The following CATSPERB variants were observed in gnomAD, a reference collection of about 807,000 sequenced individuals.
CATSPERB encodes the protein cation channel sperm-associated auxiliary subunit beta.
CATSPERB carries 93 observed loss-of-function variants against 128.3 expected under a neutral mutation model. The ratio of observed to expected loss-of-function variants is 0.72; its 90% CI spans 0.61 to 0.86. The LOEUF (loss-of-function observed/expected upper bound fraction) is 0.86, where lower values mean the gene tolerates loss of function less well. Ranked by LOEUF, CATSPERB falls within the 40% of genes least tolerant of loss-of-function variation. CATSPERB has a pLI of 0.00. For synonymous variants in CATSPERB, 381 were observed against 448.8 expected (o/e 0.85, Z 1.91); for missense variants, 1,153 against 1,329.5 (o/e 0.87, Z 2.06).
rs151158361 is a variant in CATSPERB at position 91,593,553 on chromosome 14, G to T, written c.2710-1551C>A. On this transcript the variant is annotated intron_variant, in intron 22 of 26. Coordinates refer to ENST00000256343, the MANE Select transcript of CATSPERB (RefSeq NM_024764.4). ...TGGATCCTATAACCCCTTGGTTTTG[G>T]CAAATTTCTCCCATTTGGAATGGCT... 3.3e-5 allele frequency among the ~76,000 whole-genome samples: 5 copies of T among 152,252 alleles called. No individual in the cohort carries two copies. The East Asian group carries it at 9.6e-4, about 29-fold the overall frequency.
intron 13 of CATSPERB, 94 bp from the exon 14 acceptor site, chr14:91,670,066 C>T (rs1314967860): frequency 2.9e-6 from 3 of 1,042,922 alleles, no homozygotes; most frequent in African/African-American, 1.6e-5. Context: ...GAGAGAGATA[C>T]AATCACTAAC....
intron 5 of CATSPERB, among the ~76,000 whole-genome samples, chr14:91,713,647 C>T (rs757659006): frequency 6.6e-6 from 1 of 152,084 alleles, no homozygotes; most frequent in Non-Finnish European, 1.5e-5. Context: ...TTGAATATTC[C>T]TAAATCTATT....
intron 17 of CATSPERB, among the ~76,000 whole-genome samples, chr14:91,631,682 T>A (rs1053875363): frequency 1.3e-5 from 2 of 151,418 alleles, no homozygotes; most frequent in East Asian, 1.9e-4. Context: ...CAAACAAAAA[T>A]AATAATAATA....
intron 15 of CATSPERB, 27 bp from the exon 16 acceptor site, chr14:91,639,277 T>C (rs766172225): frequency 1.3e-6 from 2 of 1,596,598 alleles, no homozygotes; most frequent in African/African-American, 1.3e-5. Flanking sequence ...AGAAGTGTCT[T>C]GATACTGATG....
intron 13 of CATSPERB, 64 bp from the exon 14 acceptor site, chr14:91,670,036 G>C: frequency 2.9e-6 from 4 of 1,395,594 alleles, no homozygotes; most frequent in Non-Finnish European, 4.0e-6. Context: ...AGAATTTCCT[G>C]TTACTTGCAT....
intron 7 of CATSPERB, among the ~76,000 whole-genome samples, chr14:91,694,551 C>T (rs1003788717): frequency 6.6e-6 from 1 of 151,356 alleles, no homozygotes; most frequent in Admixed American, 6.6e-5. Context: ...CCTAACAGTA[C>T]CCTTCTAAGC....
In CATSPERB at chr14:91,599,386, C is replaced by T. The variant is rs1432629329; in HGVS notation, c.2710-7384G>A. Among the ~76,000 whole-genome samples, 5 of 151,934 alleles carry T rather than the reference C, an allele frequency of 3.3e-5. No individual in the cohort carries two copies. The South Asian group carries it at 6.2e-4, about 19-fold the overall frequency. On this transcript the variant is annotated intron_variant, in intron 22 of 26. Transcript: ENST00000256343. Reference sequence around the variant, plus strand: ...CATCCTGGCTAACGCGGTGAAACCCCGTCTCTACTAAAAATACAAAAAATT... The same window carrying T: ...CATCCTGGCTAACGCGGTGAAACCCTGTCTCTACTAAAAATACAAAAAATT...
intron 7 of CATSPERB, among the ~76,000 whole-genome samples, chr14:91,694,153 C>G (rs1256001189): frequency 6.6e-6 from 1 of 152,068 alleles, no homozygotes; most frequent in South Asian, 2.1e-4. Context: ...TCCTGTTACT[C>G]TGTTATTTGG....
rs544671041 is a variant in CATSPERB at position 91,649,202 on chromosome 14, C to T, written c.1433-9952G>A. 2.0e-5 allele frequency among the ~76,000 whole-genome samples: 3 copies of T among 152,266 alleles called. No individual in the cohort carries two copies. The East Asian group carries it at 5.8e-4, about 29-fold the overall frequency. On this transcript the variant is annotated intron_variant, in intron 15 of 26. Coordinates refer to ENST00000256343, the MANE Select transcript of CATSPERB (RefSeq NM_024764.4). ...TGGTGATAACTGTAGACCAGCTCTACTTTTGGTTATTCTATTTTATGCTTT... is the reference window on the plus strand; with the variant it reads ...TGGTGATAACTGTAGACCAGCTCTATTTTTGGTTATTCTATTTTATGCTTT...
chr14:91,616,026 C>T (rs1274508687), intron 20 of CATSPERB, among the ~76,000 whole-genome samples: 1 of 151,846 alleles, frequency 6.6e-6, no homozygotes, highest in African/African-American at 2.4e-5. Context: ...ATTACAGGCG[C>T]ATGCCACCAT....
rs778139722 is a variant in CATSPERB, at chr14:91,617,750, G to C, written c.2261-14C>G. 6.4e-7 allele frequency: 1 copy of C among 1,562,042 alleles called. No individual in the cohort carries two copies. The highest frequency in any genetic ancestry group is 1.9e-5 in the Admixed American group (1 of 52,264). On this transcript the variant is annotated splice_polypyrimidine_tract_variant and intron_variant, in intron 19 of 26. Coordinates refer to ENST00000256343, the MANE Select transcript of CATSPERB (RefSeq NM_024764.4). ...GCATTCGAAAACCTATGGAAACAAG[G>C]TTAACAGTTAATATTAGATAATGAA...
intron 11 of CATSPERB, among the ~76,000 whole-genome samples, chr14:91,681,210 T>C (rs1044302296): frequency 6.6e-6 from 1 of 152,180 alleles, no homozygotes; most frequent in Admixed American, 6.5e-5. Flanking sequence ...TAATGGACAA[T>C]GGAGAACAAA....
At chr14:91,595,302 AT>A (rs1893484660) in intron 22 of CATSPERB, among the ~76,000 whole-genome samples, 1 of 150,668 alleles carries the variant, frequency 6.6e-6, no homozygotes, top group South Asian at 2.1e-4. Flanking sequence ...TTATTTATTT[AT>A]TTATTTATTT....
rs191739649 is a variant in CATSPERB at position 91,693,250 on chromosome 14, C to T, written c.713-6G>A. On this transcript the variant is annotated splice_polypyrimidine_tract_variant and splice_region_variant and intron_variant, in intron 8 of 26. Coordinates refer to ENST00000256343, the MANE Select transcript of CATSPERB (RefSeq NM_024764.4). ...CAATGAAAGGTCTTCATATTCTAAACGAAGAAATCATACCATGGATTAAAA... is the reference window on the plus strand; with the variant it reads ...CAATGAAAGGTCTTCATATTCTAAATGAAGAAATCATACCATGGATTAAAA... 2,071 of 1,598,246 alleles carry T rather than the reference C, an allele frequency of 1.3e-3. 3 individuals carry two copies. The highest frequency in any genetic ancestry group is 1.6e-3 in the Non-Finnish European group (1,895 of 1,167,264).
intron 20 of CATSPERB, among the ~76,000 whole-genome samples, chr14:91,616,048 CT>C: frequency 6.6e-6 from 1 of 151,684 alleles, no homozygotes; most frequent in South Asian, 2.1e-4. Flanking sequence ...CCTGGCTAAT[CT>C]TTTGTATTTT....
chr14:91,637,994 T>C (rs1421380709), intron 16 of CATSPERB, among the ~76,000 whole-genome samples: 1 of 152,162 alleles, frequency 6.6e-6, no homozygotes, highest in Admixed American at 6.5e-5. Context: ...TGTGGCATCT[T>C]AACTCTCCCA....
intron 14 of CATSPERB, 58 bp downstream of exon 14, chr14:91,669,756 G>A: frequency 6.7e-7 from 1 of 1,502,388 alleles, no homozygotes; most frequent in South Asian, 1.3e-5. Context: ...CAGCCATGCA[G>A]CATACAGTAG....
At chr14:91,592,926 C>A (rs1194969855) in intron 22 of CATSPERB, among the ~76,000 whole-genome samples, 1 of 152,180 alleles carries the variant, frequency 6.6e-6, no homozygotes, top group East Asian at 1.9e-4. Flanking sequence ...ACAGGGTCCC[C>A]ATGCTGTGTG....
intron 14 of CATSPERB, among the ~76,000 whole-genome samples, chr14:91,668,704 A>C (rs1895032353): frequency 6.6e-6 from 1 of 152,224 alleles, no homozygotes; most frequent in African/African-American, 2.4e-5. Flanking sequence ...CAGCAAGACC[A>C]CAAACCCACC....
Sources: allele counts gnomAD v4.1 joint callset (sites outside exome capture counted in the v4.1 genomes callset), GRCh38; gene constraint gnomAD v4.1.1; transcripts MANE v1.5; gene names NCBI Gene and HGNC (gene_info 2026-07-23, HGNC 2026-07-21).